The following GALNT10 variants were observed in gnomAD, a reference collection of about 807,000 sequenced individuals.
The protein encoded by GALNT10 is GalNAc transferase 10.
Under a neutral mutation model 75.0 loss-of-function variants are expected in GALNT10, and 41 were observed. That is an observed-to-expected ratio of 0.55 (90% confidence interval 0.43 to 0.71). The LOEUF (loss-of-function observed/expected upper bound fraction) is 0.71. Among genes scored for constraint, GALNT10 ranks in the 30% least tolerant of loss-of-function variants. GALNT10 has a pLI of 0.00. For synonymous variants in GALNT10, 302 were observed against 313.0 expected (o/e 0.96, Z 0.37); for missense variants, 727 against 818.5 (o/e 0.89, Z 1.36).
intron 1 of GALNT10, among the ~76,000 whole-genome samples, chr5:154,247,246 T>G (rs1753441706): frequency 6.6e-6 from 1 of 152,218 alleles, no homozygotes; most frequent in Non-Finnish European, 1.5e-5. Context: ...GGTAGCATGA[T>G]GCCTCCAGCT....
At chr5:154,414,400 CA>C (rs1438660866) in intron 10 of GALNT10, among the ~76,000 whole-genome samples, 1 of 152,026 alleles carries the variant, frequency 6.6e-6, no homozygotes, top group African/African-American at 2.4e-5. Flanking sequence ...TCAGCAATAA[CA>C]AGCGATGAAT....
chr5:154,221,142 C>T (rs1014239102), intron 1 of GALNT10, among the ~76,000 whole-genome samples: 7 of 151,910 alleles, frequency 4.6e-5, no homozygotes, highest in African/African-American at 1.5e-4. Flanking sequence ...GTCAGGACAC[C>T]GGGAGGTTAA....
chr5:154,306,504 G>C (rs1754435103), intron 3 of GALNT10, among the ~76,000 whole-genome samples: 1 of 152,076 alleles, frequency 6.6e-6, no homozygotes, highest in Admixed American at 6.5e-5. Context: ...CAATATATCA[G>C]AATTTGTGGA....
At chr5:154,299,148 C>T (rs1754325413) in intron 3 of GALNT10, among the ~76,000 whole-genome samples, 1 of 152,202 alleles carries the variant, frequency 6.6e-6, no homozygotes, top group Non-Finnish European at 1.5e-5. Flanking sequence ...CAGTGGTTCT[C>T]AAAGTGTGGT....
At chr5:154,280,953 C>A (rs530924004) in intron 1 of GALNT10, among the ~76,000 whole-genome samples, 47 of 152,284 alleles carry the variant, frequency 3.1e-4, no homozygotes, top group Admixed American at 5.9e-4. Flanking sequence ...ATGAGCTGTC[C>A]ACTCCATTGA....
chr5:154,307,796 G>A (rs1453331906), intron 3 of GALNT10, among the ~76,000 whole-genome samples: 1 of 151,680 alleles, frequency 6.6e-6, no homozygotes, highest in East Asian at 2.0e-4. Flanking sequence ...TGGGCAGGTG[G>A]TATCATCGTC....
At chr5:154,290,091 ATTT>A (rs370050729) in intron 1 of GALNT10, among the ~76,000 whole-genome samples, 220 of 135,906 alleles carry the variant, frequency 1.6e-3, no homozygotes, top group African/African-American at 5.3e-3. Context: ...GTACTCTGTA[ATTT>A]TTTTTTTTTT....
chr5:154,404,026 C>T (rs1027367711), intron 7 of GALNT10, 78 bp from the exon 8 acceptor site: 3 of 1,069,622 alleles, frequency 2.8e-6, no homozygotes, highest in Non-Finnish European at 4.4e-6. Context: ...TTGCTGAGTG[C>T]ACTAAGGGAT....
At chr5:154,228,862 A>T (rs1753104195) in intron 1 of GALNT10, among the ~76,000 whole-genome samples, 1 of 150,842 alleles carries the variant, frequency 6.6e-6, no homozygotes, top group Non-Finnish European at 1.5e-5. Flanking sequence ...TCTCCACTTA[A>T]CTCTGGGTTC....
intron 1 of GALNT10, among the ~76,000 whole-genome samples, chr5:154,213,188 C>T (rs1752799612): frequency 1.3e-5 from 2 of 152,204 alleles, no homozygotes; most frequent in African/African-American, 2.4e-5. Context: ...CAGTCAAACA[C>T]AGCTATGCTC....
intron 4 of GALNT10, among the ~76,000 whole-genome samples, chr5:154,341,038 G>C (rs913071370): frequency 1.3e-5 from 2 of 151,918 alleles, no homozygotes; most frequent in Non-Finnish European, 2.9e-5. Context: ...TTGTTTTACT[G>C]TCTCAAATAC....
chr5:154,397,143 C>G (rs907566627), intron 7 of GALNT10, among the ~76,000 whole-genome samples: 1 of 148,910 alleles, frequency 6.7e-6, no homozygotes, highest in African/African-American at 2.5e-5. Context: ...AAAAAAAATA[C>G]AGCTTAAATT....
chr5:154,197,834 G>A (rs1774969120), intron 1 of GALNT10, among the ~76,000 whole-genome samples: 1 of 152,190 alleles, frequency 6.6e-6, no homozygotes, highest in African/African-American at 2.4e-5. Flanking sequence ...GGGAACTGAA[G>A]CTCGAAGAGG....
chr5:154,392,354 CAGTA>C (rs1378022569), intron 7 of GALNT10: 1 of 152,182 alleles, frequency 6.6e-6, no homozygotes, highest in Non-Finnish European at 1.5e-5. Context: ...TCAGTGTTTT[CAGTA>C]AGTGTTAGTG....
chr5:154,281,865 G>A (rs60601388), intron 1 of GALNT10, among the ~76,000 whole-genome samples: 85,391 of 152,038 alleles, frequency 0.56, 24,761 homozygotes, highest in East Asian at 0.77. Context: ...GAGGCACCTC[G>A]TGGTCCATCA....
chr5:154,219,836 T>TCACACACACA (rs1192106045), intron 1 of GALNT10, among the ~76,000 whole-genome samples: 30 of 134,294 alleles, frequency 2.2e-4, no homozygotes, highest in East Asian at 1.2e-3. Flanking sequence ...TCTCTCTCTC[T>TCACACACACA]CTCACACACA....
rs781023843 is a variant in GALNT10 at position 154,413,015 on chromosome 5, G to A, written c.1503+10G>A. 6.2e-5 allele frequency: 95 copies of A among 1,537,260 alleles called. No individual in the cohort carries two copies. Among genetic ancestry groups the A allele is most frequent in the East Asian group, 1.8e-4 (8 of 44,512 alleles). On this transcript the variant is annotated intron_variant, in intron 10 of 11. Coordinates refer to ENST00000297107, the MANE Select transcript of GALNT10 (RefSeq NM_198321.4). ...CTGGAACAACATGCAGGTAAGGGCCGCCCCTCAGGGACTGGCAGCCAGGTT... is the reference window on the plus strand; with the variant it reads ...CTGGAACAACATGCAGGTAAGGGCCACCCCTCAGGGACTGGCAGCCAGGTT...
intron 1 of GALNT10, among the ~76,000 whole-genome samples, chr5:154,244,146 C>T (rs900857201): frequency 2.6e-5 from 4 of 152,322 alleles, no homozygotes; most frequent in South Asian, 2.1e-4. Context: ...TCTCCCTAAA[C>T]GGGAGCTTTG....
intron 3 of GALNT10, among the ~76,000 whole-genome samples, chr5:154,301,191 A>C (rs1403169568): frequency 6.6e-6 from 1 of 152,216 alleles, no homozygotes; most frequent in Admixed American, 6.5e-5. Context: ...TTTTTTAAAA[A>C]AATTAACCTT....
Sources: allele counts gnomAD v4.1 joint callset (sites outside exome capture counted in the v4.1 genomes callset), GRCh38; gene constraint gnomAD v4.1.1; transcripts MANE v1.5; gene names NCBI Gene and HGNC (gene_info 2026-07-23, HGNC 2026-07-21).